Variants in KCTD1 observed in about 807,000 individuals in gnomAD.
KCTD1 encodes the protein potassium channel tetramerization domain containing 1, also known as BTB/POZ domain-containing protein KCTD1.
In KCTD1, 24 loss-of-function variants were observed where a neutral mutation model predicts 66.0. That is an observed-to-expected ratio of 0.36 (90% CI 0.26 to 0.51). The LOEUF is 0.51. KCTD1 is among the 20% of genes least tolerant of loss of function. The pLI is 0.95. For missense variants in KCTD1, 943 were observed against 1,205.2 expected, an observed-to-expected ratio of 0.78 and a Z score of 3.22; for synonymous variants, 511 against 517.2, an observed-to-expected ratio of 0.99 and a Z score of 0.16.
chr18:26,616,870 G>A (rs1020532210), intron 1 of KCTD1, among the ~76,000 whole-genome samples: 1 of 152,144 alleles, frequency 6.6e-6, no homozygotes, highest in African/African-American at 2.4e-5. Flanking sequence ...CCACTCTCCT[G>A]GTGATGGACA....
chr18:26,615,608 A>C (rs900663937), intron 1 of KCTD1, among the ~76,000 whole-genome samples: 1 of 152,172 alleles, frequency 6.6e-6, no homozygotes, highest in African/African-American at 2.4e-5. Flanking sequence ...CTGTCCCCTT[A>C]CAGTACTGGT....
intron 1 of KCTD1, among the ~76,000 whole-genome samples, chr18:26,656,928 C>A (rs1205501275): frequency 1.3e-5 from 2 of 149,606 alleles, no homozygotes; most frequent in Non-Finnish European, 3.0e-5. Flanking sequence ...GGGAGAGCCG[C>A]GGCGGAGCGG....
chr18:26,512,264 C>T (rs1983374376), intron 1 of KCTD1, among the ~76,000 whole-genome samples: 1 of 151,916 alleles, frequency 6.6e-6, no homozygotes, highest in African/African-American at 2.4e-5. Context: ...CTGCCACACC[C>T]AGCTAATTTT....
chr18:26,583,148 C>G (rs151140609), intron 1 of KCTD1, among the ~76,000 whole-genome samples: 1 of 152,020 alleles, frequency 6.6e-6, no homozygotes. Flanking sequence ...AATTCCAGCA[C>G]TTTGGGAGGC....
chr18:26,501,938 T>G (rs1982781935), intron 1 of KCTD1, among the ~76,000 whole-genome samples: 1 of 152,214 alleles, frequency 6.6e-6, no homozygotes, highest in Admixed American at 6.5e-5. Flanking sequence ...TCCCAAAGTG[T>G]AACTGAGGCA....
intron 1 of KCTD1, among the ~76,000 whole-genome samples, chr18:26,541,255 G>A (rs955836241): frequency 3.3e-5 from 5 of 152,222 alleles, no homozygotes; most frequent in African/African-American, 1.2e-4. Flanking sequence ...AGGATGGAGA[G>A]GGTCTTCAGA....
chr18:26,582,866 A>G (rs1480776507), intron 1 of KCTD1, among the ~76,000 whole-genome samples: 1 of 152,148 alleles, frequency 6.6e-6, no homozygotes, highest in Non-Finnish European at 1.5e-5. Context: ...AGAAAAATAC[A>G]GAAGAAACTG....
rs544890065 is a variant in KCTD1, at chr18:26,582,373, G to C, written c.-16+46774C>G. ...TAAACATGACCAAGTTCACTCATAAGAGAAAAGCAAATTAAACTAAATGAG... is the reference window on the plus strand; with the variant it reads ...TAAACATGACCAAGTTCACTCATAACAGAAAAGCAAATTAAACTAAATGAG... On this transcript the variant is annotated intron_variant, in intron 1 of 4. Transcript: ENST00000317932. Among the ~76,000 whole-genome samples, 4 of 151,858 alleles carry C rather than the reference G, an allele frequency of 2.6e-5. No individual in the cohort carries two copies. The South Asian group carries it at 8.3e-4, about 32-fold the overall frequency.
upstream of KCTD1, chr18:26,548,613 A>C: frequency 8.5e-7 from 1 of 1,176,896 alleles, no homozygotes; most frequent in Non-Finnish European, 1.1e-6. Flanking sequence ...TTTTGTGTTT[A>C]ATGACCTTCA....
rs186975708 is a variant in KCTD1, at chr18:26,649,723, T to C, written c.9+7637A>G. 2.6e-3 allele frequency among the ~76,000 whole-genome samples: 393 copies of C among 152,296 alleles called. 7 individuals are homozygous for C. The highest frequency in any genetic ancestry group is 8.6e-3 in the African/African-American group (356 of 41,558). ...TGGGGTTTCACCATGTTGGCCAGGA[T>C]GGTCTCGATATCCTGACCTCGTGAT... On this transcript the variant is annotated intron_variant, in intron 1 of 4. Transcript: ENST00000580191.
At chr18:26,464,535 C>T (rs1980618051) in intron 3 of KCTD1, among the ~76,000 whole-genome samples, 1 of 152,216 alleles carries the variant, frequency 6.6e-6, no homozygotes, top group Non-Finnish European at 1.5e-5. Flanking sequence ...GTCAACGGTT[C>T]TGCAAAACAG....
chr18:26,456,043 A>ACC (rs1980070739), intron 4 of KCTD1, 142 bp from the exon 5 acceptor site: 2 of 729,398 alleles, frequency 2.7e-6, no homozygotes, highest in African/African-American at 3.6e-5. Flanking sequence ...TCTCAAAGGA[A>ACC]GACCCTGGAT....
chr18:26,462,250 C>T (rs1980473069), intron 3 of KCTD1, among the ~76,000 whole-genome samples: 1 of 152,180 alleles, frequency 6.6e-6, no homozygotes, highest in African/African-American at 2.4e-5. Flanking sequence ...TTTGGCCCTG[C>T]TCAGTGACCA....
chr18:26,546,723 G>C lies in KCTD1; in HGVS notation c.1809+5C>G. ...CATTTCATGCATAGAGTTTGGTTTG[G>C]TTACCTGGGTGGGGGAAACAATAGC... On this transcript the variant is annotated splice_donor_5th_base_variant and intron_variant, in intron 1 of 4. Transcript: ENST00000580059. 6.5e-7 allele frequency: 1 copy of C among 1,544,084 alleles called. No homozygotes were observed. Among genetic ancestry groups the C allele is most frequent in the South Asian group, 1.2e-5 (1 of 82,376 alleles).
At chr18:26,623,387 G>A (rs1291052225) in intron 1 of KCTD1, among the ~76,000 whole-genome samples, 1 of 152,030 alleles carries the variant, frequency 6.6e-6, no homozygotes, top group South Asian at 2.1e-4. Flanking sequence ...TAGTACCCAC[G>A]ATACACACGT....
In KCTD1 at chr18:26,583,348, C is replaced by T. The variant is rs145064933; in HGVS notation, c.-16+45799G>A. Among the ~76,000 whole-genome samples the T allele has an allele frequency of 9.1e-3, 1,179 of 129,272 alleles. 10 individuals carry two copies. Among genetic ancestry groups the T allele is most frequent in the Non-Finnish European group, 0.014 (941 of 65,048 alleles). The allele number at this position is 129,272 out of a possible 152,430, so 84.8% of individuals were successfully genotyped here. A position where few individuals can be genotyped will look rare whatever the true frequency, so the allele number is the denominator to read the frequency against. ...GGCGAAGGTTGCAGTAAGCTGAGAT[C>T]GCATAATTGCACGCCAATCTGGGTG... is the stretch of plus-strand genomic sequence containing the variant. On this transcript the variant is annotated intron_variant, in intron 1 of 4. Coordinates refer to the KCTD1 transcript ENST00000317932.
chr18:26,518,543 C>T (rs1289236267), intron 1 of KCTD1, among the ~76,000 whole-genome samples: 3 of 152,044 alleles, frequency 2.0e-5, no homozygotes, highest in Admixed American at 6.6e-5. Flanking sequence ...GGATTACAGG[C>T]GTGAGCCATG....
intron 1 of KCTD1, among the ~76,000 whole-genome samples, chr18:26,563,819 T>C (rs1257620884): frequency 6.6e-6 from 1 of 152,230 alleles, no homozygotes; most frequent in East Asian, 1.9e-4. Flanking sequence ...CTTATTCATG[T>C]TAGCAATGAT....
At chr18:26,506,128 C>G (rs927300908) in intron 1 of KCTD1, among the ~76,000 whole-genome samples, 1 of 152,078 alleles carries the variant, frequency 6.6e-6, no homozygotes, top group Non-Finnish European at 1.5e-5. Flanking sequence ...GTGATCAGCC[C>G]GCCTTGGCCT....
Sources: gnomAD v4.1 joint callset for allele counts (sites outside exome capture counted in the v4.1 genomes callset) on GRCh38, gnomAD v4.1.1 for gene constraint, MANE v1.5 for transcripts, NCBI Gene and HGNC (gene_info 2026-07-23, HGNC 2026-07-21) for gene names.